DNAH14: variants seen among roughly 807,000 people sequenced by gnomAD.
DNAH14 encodes axonemal beta dynein heavy chain 14.
In DNAH14, 478 loss-of-function variants were observed where a neutral mutation model predicts 520.9. The observed-to-expected ratio is 0.92, with a 90% CI of 0.85 to 0.99. DNAH14 has a LOEUF of 0.99. Among genes scored for constraint, DNAH14 ranks in the 50% least tolerant of loss-of-function variants. The pLI, the probability that DNAH14 is intolerant of heterozygous loss-of-function variation, is 0.00. For synonymous variants in DNAH14, 1,581 were observed against 1,757.2 expected (o/e 0.90, Z 2.51); for missense variants, 4,831 against 5,234.5 (o/e 0.92, Z 2.38).
At chr1:224,958,911 A>T (rs1389937078) in intron 3 of DNAH14, among the ~76,000 whole-genome samples, 1 of 152,134 alleles carries the variant, frequency 6.6e-6, no homozygotes. Flanking sequence ...ATCAAAAAGC[A>T]TGAGCTTCTA....
At chr1:224,954,867 A>C (rs2060412839) in intron 2 of DNAH14, 92 bp from the exon 3 acceptor site, 1 of 943,870 alleles carries the variant, frequency 1.1e-6, no homozygotes. Context: ...TTTAATTATA[A>C]ATGTGAAATT....
In DNAH14 at chr1:225,352,711, C is replaced by T. The variant is rs910101998; in HGVS notation, c.11533+828C>T. 2.0e-5 allele frequency among the ~76,000 whole-genome samples: 3 copies of T among 151,856 alleles called. No homozygotes were observed. The South Asian group carries it at 6.2e-4, about 31-fold the overall frequency. ...TTTGTCTTATTATATGTATTAACATCTATATTCAAATATTTTTCTGAATTT... is the reference window on the plus strand; with the variant it reads ...TTTGTCTTATTATATGTATTAACATTTATATTCAAATATTTTTCTGAATTT... On this transcript the variant is annotated intron_variant, in intron 72 of 85. Coordinates refer to ENST00000682510, the MANE Select transcript of DNAH14 (RefSeq NM_001367479.1).
chr1:225,241,502 C>G lies in DNAH14; in HGVS notation c.6748+680C>G, dbSNP rs1282865589. ...GTTACAGTCATACATTGCTGAACAA[C>G]TGGGATGTGTTCTGAGAAATGTGCT... On this transcript the variant is annotated intron_variant, in intron 43 of 85. Transcript: ENST00000682510. Among the ~76,000 whole-genome samples the G allele has an allele frequency of 5.9e-5, 9 of 152,126 alleles. No homozygotes were observed. The South Asian group carries it at 6.2e-4, about 10-fold the overall frequency.
intron 16 of DNAH14, among the ~76,000 whole-genome samples, chr1:225,051,249 A>G (rs2068507595): frequency 6.6e-6 from 1 of 152,236 alleles, no homozygotes; most frequent in Non-Finnish European, 1.5e-5. Flanking sequence ...ATAAGCCTTT[A>G]GGTAAAAGCC....
intron 8 of DNAH14, among the ~76,000 whole-genome samples, chr1:224,988,773 G>T (rs1318190249): frequency 6.6e-6 from 1 of 152,184 alleles, no homozygotes; most frequent in African/African-American, 2.4e-5. Flanking sequence ...AGCTTCCCAA[G>T]TAGCTGGGAC....
chr1:225,004,613 T>C (rs1461897973), intron 9 of DNAH14, among the ~76,000 whole-genome samples: 1 of 152,174 alleles, frequency 6.6e-6, no homozygotes. Flanking sequence ...GGGGCACTCC[T>C]AGTGGTGATT....
intron 83 of DNAH14, among the ~76,000 whole-genome samples, chr1:225,390,538 G>A (rs2095896104): frequency 6.6e-6 from 1 of 152,024 alleles, no homozygotes; most frequent in Non-Finnish European, 1.5e-5. Context: ...TGAATGAATG[G>A]CATTCTGAAT....
At chr1:225,229,486 C>A (rs2090890828) in intron 41 of DNAH14, among the ~76,000 whole-genome samples, 2 of 152,168 alleles carry the variant, frequency 1.3e-5, no homozygotes, top group African/African-American at 2.4e-5. Context: ...TATTGTAGCA[C>A]TAGTCACAAT....
In DNAH14 at chr1:225,007,927, C is replaced by CTT. The variant is rs71170042; in HGVS notation, c.1107+395_1107+396dup. Among the ~76,000 whole-genome samples the CTT allele has an allele frequency of 3.7e-3, 537 of 144,316 alleles. 3 individuals carry two copies. Among genetic ancestry groups the CTT allele is most frequent in the African/African-American group, 0.012 (460 of 39,372 alleles). 94.7% of individuals were successfully genotyped at this position (144,316 alleles called of 152,430 possible). A position where few individuals can be genotyped will look rare whatever the true frequency, so the allele number is the denominator to read the frequency against. On this transcript the variant is annotated intron_variant, in intron 10 of 85. Transcript: ENST00000682510. ...GCCTGAGGATGTACATTTCTTTTTTCTTTTTTTTTTTTTATACTTTAAGTT... is the reference window on the plus strand; with the variant it reads ...GCCTGAGGATGTACATTTCTTTTTTCTTTTTTTTTTTTTTTATACTTTAAGTT...
Position 224,929,702 on chromosome 1 carries a change from G to A in DNAH14, c.-167G>A. ...CAGGCGGTTACGGCCAGGAGGCGTC[G>A]GAGCCTGGCGTGGTAGGGCTGTGCT... On this transcript the variant is annotated 5_prime_UTR_variant, in exon 1 of 86. Transcript: ENST00000682510. The A allele has an allele frequency of 1.4e-6, 1 of 702,430 alleles. No homozygotes were observed. The highest frequency in any genetic ancestry group is 2.0e-5 in the Admixed American group (1 of 50,022). The allele number at this position is 702,430 out of a possible 1,614,324, so 43.5% of individuals were successfully genotyped here.
intron 10 of DNAH14, among the ~76,000 whole-genome samples, chr1:225,008,564 T>C (rs1157360840): frequency 2.7e-5 from 4 of 148,852 alleles, no homozygotes; most frequent in Non-Finnish European, 5.9e-5. Context: ...ATAGCATCTG[T>C]TTTTTCCTGA....
At chr1:225,250,083 T>C (rs2092475788) in intron 43 of DNAH14, among the ~76,000 whole-genome samples, 1 of 152,234 alleles carries the variant, frequency 6.6e-6, no homozygotes, top group South Asian at 2.1e-4. Context: ...TTCTCTTGGG[T>C]AGATGCCTAA....
chr1:225,306,519 T>G (rs1406960905), intron 58 of DNAH14, among the ~76,000 whole-genome samples: 1 of 152,102 alleles, frequency 6.6e-6, no homozygotes, highest in Non-Finnish European at 1.5e-5. Context: ...TAATGAATCT[T>G]CCTCTCACTC....
At chr1:225,001,658 A>G (rs2147794821) in intron 8 of DNAH14, among the ~76,000 whole-genome samples, 1 of 152,254 alleles carries the variant, frequency 6.6e-6, no homozygotes, top group African/African-American at 2.4e-5. Context: ...AATTTAATAC[A>G]TTTTTAAAGG....
chr1:224,973,468 A>G (rs1030977747), intron 7 of DNAH14, among the ~76,000 whole-genome samples: 4 of 152,226 alleles, frequency 2.6e-5, no homozygotes, highest in African/African-American at 9.6e-5. Flanking sequence ...CCACACGTGC[A>G]TAATATAGGT....
intron 37 of DNAH14, among the ~76,000 whole-genome samples, chr1:225,191,829 A>T (rs1390059474): frequency 6.6e-6 from 1 of 151,830 alleles, no homozygotes; most frequent in Non-Finnish European, 1.5e-5. Flanking sequence ...TAAATCTGCT[A>T]TTGAATGCCA....
chr1:225,237,646 G>T (rs578060509), intron 42 of DNAH14, among the ~76,000 whole-genome samples: 2 of 152,220 alleles, frequency 1.3e-5, no homozygotes, highest in East Asian at 3.9e-4. Flanking sequence ...GAATTTGAAG[G>T]TTGGCCTGTC....
chr1:225,126,306 T>C (rs1195478033), intron 27 of DNAH14, among the ~76,000 whole-genome samples: 1 of 152,228 alleles, frequency 6.6e-6, no homozygotes, highest in African/African-American at 2.4e-5. Flanking sequence ...CTTGTACCTC[T>C]GGTAGAATTC....
At chr1:225,304,027 G>A (rs75178369) in intron 57 of DNAH14, among the ~76,000 whole-genome samples, 7,538 of 152,146 alleles carry the variant, frequency 0.05, 293 homozygotes, top group Non-Finnish European at 0.073. Context: ...AAAAAATGCC[G>A]CTGAGTTAAA....
Sources: allele counts gnomAD v4.1 joint callset (sites outside exome capture counted in the v4.1 genomes callset), GRCh38; gene constraint gnomAD v4.1.1; transcripts MANE v1.5; gene names NCBI Gene and HGNC (gene_info 2026-07-23, HGNC 2026-07-21).